Variants in GRM8 observed in about 807,000 individuals in gnomAD.
GRM8 encodes metabotropic glutamate receptor 8.
A neutral mutation model predicts 87.2 loss-of-function variants in GRM8; 47 were observed. That is an observed-to-expected ratio of 0.54 (90% CI 0.43 to 0.69). The LOEUF (loss-of-function observed/expected upper bound fraction) is 0.69. Ranked by LOEUF, GRM8 falls within the 30% of genes least tolerant of loss-of-function variation. The probability of loss-of-function intolerance (pLI) is 0.00; values close to 1 mark genes in which losing one functional copy is unlikely to be tolerated. For synonymous variants in GRM8, 396 were observed against 404.5 expected (o/e 0.98, Z 0.25); for missense variants, 1,019 against 1,139.2 (o/e 0.89, Z 1.52).
intron 7 of GRM8, among the ~76,000 whole-genome samples, chr7:126,753,388 A>G (rs1295839181): frequency 5.6e-5 from 3 of 53,576 alleles, no homozygotes; most frequent in Non-Finnish European, 1.1e-4. Flanking sequence ...ACACACAGGC[A>G]TATATATATA....
intron 3 of GRM8, among the ~76,000 whole-genome samples, chr7:127,066,464 A>G (rs534083803): frequency 6.6e-6 from 1 of 152,308 alleles, no homozygotes; most frequent in East Asian, 1.9e-4. Context: ...TTTCTCAGAC[A>G]TTATCTCATT....
intron 6 of GRM8, among the ~76,000 whole-genome samples, chr7:126,867,364 A>G (rs530763203): frequency 1.3e-5 from 2 of 152,334 alleles, no homozygotes; most frequent in African/African-American, 2.4e-5. Context: ...TGTGATTTAC[A>G]AGAAAAGAAA....
intron 7 of GRM8, among the ~76,000 whole-genome samples, chr7:126,756,786 G>T (rs1232514763): frequency 1.3e-5 from 2 of 152,044 alleles, no homozygotes; most frequent in African/African-American, 4.8e-5. Context: ...GAGGATAGAG[G>T]ACTTTTAGGT....
intron 2 of GRM8, among the ~76,000 whole-genome samples, chr7:127,182,961 G>A (rs1794549969): frequency 6.6e-6 from 1 of 151,762 alleles, no homozygotes; most frequent in African/African-American, 2.4e-5. Flanking sequence ...CTGCTCGGGT[G>A]ATGGATGAAC....
At chr7:126,636,256 C>T (rs1162606828) in intron 7 of GRM8, among the ~76,000 whole-genome samples, 1 of 151,954 alleles carries the variant, frequency 6.6e-6, no homozygotes, top group Non-Finnish European at 1.5e-5. Flanking sequence ...ATGAGAACAG[C>T]ATAGGAGAAT....
chr7:126,669,272 CATGTATACCT>C (rs1806128501), intron 7 of GRM8, among the ~76,000 whole-genome samples: 1 of 151,696 alleles, frequency 6.6e-6, no homozygotes, highest in Non-Finnish European at 1.5e-5. Flanking sequence ...CACAATGGTA[CATGTATACCT>C]ATGTAACAAA....
chr7:126,990,818 AAC>A (rs1298434039), intron 3 of GRM8, among the ~76,000 whole-genome samples: 2 of 152,344 alleles, frequency 1.3e-5, no homozygotes, highest in African/African-American at 4.8e-5. Context: ...ATTTCTCTCA[AAC>A]ATTAAAAGCA....
At chr7:126,627,913 G>C (rs1159033010) in intron 7 of GRM8, among the ~76,000 whole-genome samples, 2 of 152,046 alleles carry the variant, frequency 1.3e-5, no homozygotes, top group African/African-American at 4.8e-5. Flanking sequence ...CTAATGTTTT[G>C]TTTAGAATGT....
At chr7:126,977,162 A>G (rs1811077369) in intron 3 of GRM8, among the ~76,000 whole-genome samples, 1 of 152,166 alleles carries the variant, frequency 6.6e-6, no homozygotes, top group South Asian at 2.1e-4. Flanking sequence ...AATTTTAAAT[A>G]TTTTCAGTTC....
chr7:126,873,922 T>G (rs1167221523), intron 6 of GRM8, among the ~76,000 whole-genome samples: 1 of 152,146 alleles, frequency 6.6e-6, no homozygotes, highest in African/African-American at 2.4e-5. Flanking sequence ...TAAGTCAATA[T>G]TTTGTAAATA....
At chr7:127,232,552 T>A (rs1172392382) in intron 2 of GRM8, among the ~76,000 whole-genome samples, 1 of 152,080 alleles carries the variant, frequency 6.6e-6, no homozygotes, top group Non-Finnish European at 1.5e-5. Context: ...ACCTGGCCCA[T>A]CAGTTCTGTT....
At chr7:126,605,913 C>T (rs74374888) in intron 8 of GRM8, among the ~76,000 whole-genome samples, 4,448 of 152,180 alleles carry the variant, frequency 0.029, 81 homozygotes, top group Non-Finnish European at 0.046. Flanking sequence ...GTGGTTGGTC[C>T]GAGTGTTTGT....
intron 3 of GRM8, among the ~76,000 whole-genome samples, chr7:126,990,108 A>C (rs373217538): frequency 6.6e-6 from 1 of 152,168 alleles, no homozygotes; most frequent in Non-Finnish European, 1.5e-5. Flanking sequence ...ACTAGTGCTA[A>C]CCTAAGAGAA....
At chr7:126,866,506 A>C (rs1798601313) in intron 6 of GRM8, among the ~76,000 whole-genome samples, 3 of 151,066 alleles carry the variant, frequency 2.0e-5, no homozygotes, top group African/African-American at 4.9e-5. Context: ...AACATCACAA[A>C]GATTTATACT....
chr7:126,726,249 T>G (rs1425050668), intron 7 of GRM8, among the ~76,000 whole-genome samples: 1 of 151,070 alleles, frequency 6.6e-6, no homozygotes. Flanking sequence ...GATAGGGAAG[T>G]CCCCATTCTA....
chr7:126,481,231 A>G (rs902171023), intron 9 of GRM8, among the ~76,000 whole-genome samples: 2 of 152,130 alleles, frequency 1.3e-5, no homozygotes, highest in Admixed American at 1.3e-4. Flanking sequence ...GAAGTAGAAA[A>G]TCATCACTAG....
At chr7:126,680,728 C>T (rs1807455064) in intron 7 of GRM8, among the ~76,000 whole-genome samples, 1 of 152,162 alleles carries the variant, frequency 6.6e-6, no homozygotes, top group Non-Finnish European at 1.5e-5. Flanking sequence ...GCATGCTTTG[C>T]TTAGGAGAAT....
intron 9 of GRM8, among the ~76,000 whole-genome samples, chr7:126,464,725 C>A (rs987396466): frequency 6.6e-6 from 1 of 151,598 alleles, no homozygotes; most frequent in Non-Finnish European, 1.5e-5. Context: ...AAACTCATGA[C>A]AATGTAATGC....
intron 8 of GRM8, among the ~76,000 whole-genome samples, chr7:126,537,895 A>G (rs1816025624): frequency 6.6e-6 from 1 of 152,194 alleles, no homozygotes; most frequent in Non-Finnish European, 1.5e-5. Flanking sequence ...TGCTATATTA[A>G]CAAATTATAC....
Sources: gnomAD v4.1 joint callset for allele counts (sites outside exome capture counted in the v4.1 genomes callset) on GRCh38, gnomAD v4.1.1 for gene constraint, MANE v1.5 for transcripts, NCBI Gene and HGNC (gene_info 2026-07-23, HGNC 2026-07-21) for gene names.